The following ZNF511 variants were observed in gnomAD, a reference collection of about 807,000 sequenced individuals.
ZNF511 encodes zinc finger protein 511.
In ZNF511, 26 loss-of-function variants were observed where a neutral mutation model predicts 24.8. The observed-to-expected ratio is 1.05, with a 90% CI of 0.77 to 1.46. ZNF511 has a LOEUF of 1.46. Ranked by LOEUF, ZNF511 falls within the 40% of genes most tolerant of loss-of-function variation. ZNF511 has a pLI of 0.00. For missense variants in ZNF511, 358 were observed against 345.0 expected, an observed-to-expected ratio of 1.04 and a Z score of -0.30; for synonymous variants, 144 against 139.6, an observed-to-expected ratio of 1.03 and a Z score of -0.22.
At chr10:133,310,092 A>C in intron 3 of ZNF511, 72 bp from the exon 4 acceptor site, 1 of 1,611,308 alleles carries the variant, frequency 6.2e-7, no homozygotes. Context: ...CGCCCTTGGC[A>C]GCTCTGCTAC....
At chr10:133,310,127 C>T (rs1450872805) in intron 3 of ZNF511, 37 bp from the exon 4 acceptor site, 1 of 1,612,690 alleles carries the variant, frequency 6.2e-7, no homozygotes. Context: ...GGGGGAGGGC[C>T]AGGGGTCAGA....
intron 4 of ZNF511, among the ~76,000 whole-genome samples, chr10:133,310,760 A>G (rs1418908110): frequency 6.6e-6 from 1 of 151,694 alleles, no homozygotes; most frequent in Non-Finnish European, 1.5e-5. Context: ...GTTGATTAAC[A>G]TGTTCCTGCC....
chr10:133,309,763 G>C lies in ZNF511; in HGVS notation c.228-13G>C, dbSNP rs970694986. On this transcript the variant is annotated splice_polypyrimidine_tract_variant and intron_variant, in intron 2 of 5. Coordinates refer to ENST00000361518, the MANE Select transcript of ZNF511 (RefSeq NM_145806.4). Reference sequence around the variant, plus strand: ...ACCGGAGGAAGGGCTCCTGAAGCACGTCTCCTTGGCAGGGTGCCCGCGTTT... The same window carrying C: ...ACCGGAGGAAGGGCTCCTGAAGCACCTCTCCTTGGCAGGGTGCCCGCGTTT... The C allele has an allele frequency of 6.2e-7, 1 of 1,612,282 alleles. No individual in the cohort carries two copies. Among genetic ancestry groups the C allele is most frequent in the African/African-American group, 1.3e-5 (1 of 75,038 alleles).
In ZNF511 at chr10:133,312,974, C is replaced by A; in HGVS notation, c.*108C>A. The A allele has an allele frequency of 6.4e-7, 1 of 1,561,514 alleles. No individual in the cohort carries two copies. Among genetic ancestry groups the A allele is most frequent in the South Asian group, 1.2e-5 (1 of 85,230 alleles). ...GCCGCCCTGGGGGCCAGGCCCTCGC[C>A]ATCCTCCCCATCCTTGTTCCTCAGC... On this transcript the variant is annotated 3_prime_UTR_variant, in exon 6 of 6. Transcript: ENST00000361518.
At chr10:133,310,682 ACAT>A (rs892380609) in intron 4 of ZNF511, 1 of 245,782 alleles carries the variant, frequency 4.1e-6, no homozygotes, top group African/African-American at 2.3e-5. Context: ...CCGTGCTCAC[ACAT>A]CATGCAGCCC....
intron 2 of ZNF511, among the ~76,000 whole-genome samples, 154 bp downstream of exon 2, chr10:133,309,617 A>C (rs1245950614): frequency 6.6e-6 from 1 of 152,098 alleles, no homozygotes; most frequent in Non-Finnish European, 1.5e-5. Flanking sequence ...CTCTTCCACC[A>C]CCTAGCCTGT....
intron 4 of ZNF511, 50 bp from the exon 5 acceptor site, chr10:133,311,666 G>T: frequency 6.7e-7 from 1 of 1,487,332 alleles, no homozygotes; most frequent in South Asian, 1.2e-5. Context: ...GGGGAACACA[G>T]GGGCTGTGGG....
At chr10:133,311,647 T>C in intron 4 of ZNF511, 69 bp from the exon 5 acceptor site, 1 of 1,355,400 alleles carries the variant, frequency 7.4e-7, no homozygotes, top group Non-Finnish European at 1.0e-6. Flanking sequence ...TTCTTGCATG[T>C]TCATTTCTGG....
At position 133,309,901 on chromosome 10, in the gene ZNF511, C is replaced by T. The variant is rs372247217; in HGVS notation, c.353C>T (p.Ser118Phe). The change falls in exon 3 of 6, where the codon TCC (serine) becomes TTC (phenylalanine). Residue 118 changes from serine to phenylalanine, a missense_variant. Coordinates refer to ENST00000361518, the MANE Select transcript of ZNF511 (RefSeq NM_145806.4). ...TCCTTTTGCAAGCGGGCCTTCCCTT[C>T]CGGACACCTGCTGGACGCCCACATC... Reference protein sequence around the residue: ...VCSFCKRAFPSGHLLDAHILE... With the variant: ...VCSFCKRAFPFGHLLDAHILE... 2 of 1,613,754 alleles carry T rather than the reference C, an allele frequency of 1.2e-6. No individual in the cohort carries two copies. Among genetic ancestry groups the T allele is most frequent in the African/African-American group, 2.7e-5 (2 of 75,060 alleles).
intron 5 of ZNF511, chr10:133,312,554 C>T (rs1848015163): frequency 7.1e-7 from 1 of 1,404,180 alleles, no homozygotes; most frequent in South Asian, 1.6e-5. Flanking sequence ...CAGGAGCCGC[C>T]CTCTCTGCGG....
At chr10:133,311,603 G>A in intron 4 of ZNF511, 113 bp from the exon 5 acceptor site, 1 of 932,146 alleles carries the variant, frequency 1.1e-6, no homozygotes, top group Non-Finnish European at 1.6e-6. Context: ...AAAATAGTAA[G>A]AAAATATGCT....
At chr10:133,309,741 G>T (rs751421692) in intron 2 of ZNF511, 35 bp from the exon 3 acceptor site, 4 of 1,609,574 alleles carry the variant, frequency 2.5e-6, no homozygotes, top group Non-Finnish European at 3.4e-6. Flanking sequence ...TCCTCGCACC[G>T]GAGGAAGGGC....
chr10:133,311,821 G>T lies in ZNF511; in HGVS notation c.660G>T (p.Glu220Asp), dbSNP rs1847995976. ...PVAASPAPAG[E>D]RRIYRHRIPS... ...CAGCCTCCCCTGCACCGGCAGGTGA[G>T]AGGCGGATCTACAGACATAGGTCAG... The change falls in exon 5 of 6, where the codon GAG becomes GAT. Residue 220 changes from glutamate (E) to aspartate (D), a missense_variant. Coordinates refer to ENST00000361518, the MANE Select transcript of ZNF511 (RefSeq NM_145806.4). 2 of 1,613,368 alleles carry T rather than the reference G, an allele frequency of 1.2e-6. No homozygotes were observed. The highest frequency in any genetic ancestry group is 8.5e-7 in the Non-Finnish European group (1 of 1,180,044).
At chr10:133,310,041 C>T in intron 3 of ZNF511, 64 bp downstream of exon 3, 1 of 1,609,184 alleles carries the variant, frequency 6.2e-7, no homozygotes, top group Non-Finnish European at 8.5e-7. Flanking sequence ...GAGTGCTGCC[C>T]CCAGCTCTCG....
rs1232009325 is a variant in ZNF511, at chr10:133,312,267, A to G, written c.680+426A>G. 11 of 1,318,020 alleles carry G rather than the reference A, an allele frequency of 8.3e-6. No individual in the cohort carries two copies. In the African/African-American group the frequency reaches 1.5e-4, roughly 18 times the overall value. The allele number at this position is 1,318,020 out of a possible 1,614,324, so 81.6% of individuals were successfully genotyped here. ...CATGACCTGTGCCGTCTGCCTTTCT[A>G]GCATGACCTGTACTGTCTGCCTTTC... On this transcript the variant is annotated intron_variant, in intron 5 of 5. Coordinates refer to ENST00000361518, the MANE Select transcript of ZNF511 (RefSeq NM_145806.4).
rs758831478 is a variant in ZNF511 at position 133,311,712 on chromosome 10, G to A, written c.555-4G>A. ...GGCAGTTACTCACTGCTCTCTCCCC[G>A]CAGCCCAGCCTCAGCAGAAGCCCCA... is the stretch of plus-strand genomic sequence containing the variant. On this transcript the variant is annotated splice_polypyrimidine_tract_variant and splice_region_variant and intron_variant, in intron 4 of 5. Coordinates refer to ENST00000361518, the MANE Select transcript of ZNF511 (RefSeq NM_145806.4). 25 of 1,610,582 alleles carry A rather than the reference G, an allele frequency of 1.6e-5. No homozygotes were observed. The highest frequency in any genetic ancestry group is 7.7e-5 in the South Asian group (7 of 91,030).
At position 133,308,962 on chromosome 10, in the gene ZNF511, C is replaced by A. The variant is rs752943294; in HGVS notation, c.19C>A (p.Leu7Met). The change falls in exon 1 of 6, where the codon CTG becomes ATG. Residue 7 changes from leucine to methionine, a missense_variant. Leu to Met is a conservative substitution (Grantham distance 15). Transcript: ENST00000361518. ...CGGGGTGATGCAGTTGCCCCCCGCG[C>A]TGTGCGCCCGCCTCGCTGCGGGGCC... MQLPPA[L>M]CARLAAGPGA... is the part of the protein sequence containing the mutation. 4.3e-4 allele frequency: 538 copies of A among 1,240,250 alleles called. 1 individual carries two copies. The highest frequency in any genetic ancestry group is 4.1e-3 in the South Asian group (104 of 25,492). 76.8% of individuals were successfully genotyped at this position (1,240,250 alleles called of 1,614,324 possible).
chr10:133,312,648 C>G lies in ZNF511; in HGVS notation c.681-140C>G, dbSNP rs569176308. On this transcript the variant is annotated intron_variant, in intron 5 of 5. Transcript: ENST00000361518. ...CTCAGGCTGTGGAAAGGGAGCTGCCCCAGGGCCCAGGAGGGCCGGCTCTGC... is the reference window on the plus strand; with the variant it reads ...CTCAGGCTGTGGAAAGGGAGCTGCCGCAGGGCCCAGGAGGGCCGGCTCTGC... The G allele has an allele frequency of 1.2e-5, 18 of 1,537,680 alleles. No homozygotes were observed. In the African/African-American group the frequency reaches 1.7e-4, roughly 14 times the overall value.
rs767457942 is a variant in ZNF511 at position 133,312,774 on chromosome 10, T to A, written c.681-14T>A. The A allele has an allele frequency of 1.2e-6, 2 of 1,614,188 alleles. No homozygotes were observed. The highest frequency in any genetic ancestry group is 1.7e-6 in the Non-Finnish European group (2 of 1,179,996). On this transcript the variant is annotated splice_polypyrimidine_tract_variant and intron_variant, in intron 5 of 5. Transcript: ENST00000361518. ...GCAAATACAGCATCTAATAGAAACTTTCTTCCATCCCAGAATACCCTCTAC... is the reference window on the plus strand; with the variant it reads ...GCAAATACAGCATCTAATAGAAACTATCTTCCATCCCAGAATACCCTCTAC...
Sources: allele counts gnomAD v4.1 joint callset (sites outside exome capture counted in the v4.1 genomes callset), GRCh38; gene constraint gnomAD v4.1.1; transcripts MANE v1.5; gene names NCBI Gene and HGNC (gene_info 2026-07-23, HGNC 2026-07-21).